C8orf34: variants seen among roughly 807,000 people sequenced by gnomAD.
C8orf34 encodes the protein uncharacterized protein C8orf34.
C8orf34 carries 65 observed loss-of-function variants against 68.3 expected under a neutral mutation model. That is an observed-to-expected ratio of 0.95 (90% CI 0.78 to 1.17). The LOEUF is 1.17. Ranked by LOEUF, C8orf34 falls within the 50% of genes most tolerant of loss-of-function variation. The pLI is 0.00. For missense variants in C8orf34, 664 were observed against 655.4 expected, an observed-to-expected ratio of 1.01 and a Z score of -0.14; for synonymous variants, 244 against 241.2, an observed-to-expected ratio of 1.01 and a Z score of -0.11.
intron 8 of C8orf34, among the ~76,000 whole-genome samples, chr8:68,643,101 A>G (rs1276894805): frequency 1.3e-5 from 2 of 152,170 alleles, no homozygotes. Context: ...CTATACAAAT[A>G]TTCTTGAACA....
At chr8:68,808,323 A>G (rs1323377015) in intron 12 of C8orf34, among the ~76,000 whole-genome samples, 5 of 152,314 alleles carry the variant, frequency 3.3e-5, no homozygotes, top group Middle Eastern at 3.4e-3. Flanking sequence ...ACCATTAAAT[A>G]TTCAGATTAT....
chr8:68,748,686 G>C (rs1257318460), intron 10 of C8orf34, among the ~76,000 whole-genome samples: 1 of 151,666 alleles, frequency 6.6e-6, no homozygotes, highest in Non-Finnish European at 1.5e-5. Flanking sequence ...ACCACAATGA[G>C]ATACCATCTC....
intron 12 of C8orf34, among the ~76,000 whole-genome samples, chr8:68,805,188 C>T (rs1383746291): frequency 1.3e-5 from 2 of 152,200 alleles, no homozygotes; most frequent in African/African-American, 2.4e-5. Context: ...AGAACAAGCT[C>T]TGTATGGATG....
At chr8:68,583,273 T>C (rs866351435) in intron 7 of C8orf34, among the ~76,000 whole-genome samples, 2 of 152,136 alleles carry the variant, frequency 1.3e-5, no homozygotes, top group Non-Finnish European at 1.5e-5. Flanking sequence ...TGCAGGAAGA[T>C]AAATAGTACA....
In C8orf34 at chr8:68,468,698, G is replaced by T; in HGVS notation, c.614G>T (p.Arg205Met). 1 of 1,611,986 alleles carries T rather than the reference G, an allele frequency of 6.2e-7. No homozygotes were observed. Among genetic ancestry groups the T allele is most frequent in the Non-Finnish European group, 8.5e-7 (1 of 1,178,932 alleles). ...CCATTTTTTTTAAACATAGTGCCAAGGTCAGTAGAGCATCCAAAGTGGAAC... is the reference window on the plus strand; with the variant it reads ...CCATTTTTTTTAAACATAGTGCCAATGTCAGTAGAGCATCCAAAGTGGAAC... ...PPSPDSKSLPRSVEHPKWNWR... is the reference protein window; with the variant it reads ...PPSPDSKSLPMSVEHPKWNWR... Residue 205 changes from arginine to methionine, a missense_variant, in exon 4 of 14, where the codon AGG becomes ATG. By Grantham distance (91) the Arg-to-Met change is moderately conservative. Transcript: ENST00000518698.
intron 2 of C8orf34, among the ~76,000 whole-genome samples, chr8:68,444,888 T>C (rs1159774207): frequency 6.6e-6 from 1 of 152,194 alleles, no homozygotes; most frequent in African/African-American, 2.4e-5. Flanking sequence ...CCAAGGTTTT[T>C]TTCTCCCATT....
At chr8:68,792,431 G>GCGTGGTGGCA (rs1824028330) in intron 12 of C8orf34, 1 of 151,468 alleles carries the variant, frequency 6.6e-6, no homozygotes, top group African/African-American at 2.4e-5. Flanking sequence ...AATTAGTCGG[G>GCGTGGTGGCA]CGTGGTGGCA....
chr8:68,459,385 AC>A (rs1442034338), intron 3 of C8orf34, among the ~76,000 whole-genome samples: 4 of 152,096 alleles, frequency 2.6e-5, no homozygotes, highest in Admixed American at 1.3e-4. Flanking sequence ...GCGTGCCACC[AC>A]GTCCAGCTAA....
chr8:68,598,993 C>T (rs1223039984), intron 7 of C8orf34, among the ~76,000 whole-genome samples: 3 of 149,870 alleles, frequency 2.0e-5, no homozygotes, highest in African/African-American at 4.9e-5. Context: ...TAGAAAATGA[C>T]AATATGGTGA....
In C8orf34 at chr8:68,445,799, C is replaced by CTGTTTTT. The variant is rs535511533; in HGVS notation, c.476-528_476-522dup. The stretch of plus-strand genomic sequence containing the variant: ...CTGAAAAACATTTCAAATTAATTTC[C>CTGTTTTT]TGTTTTTTCTTTTTGACAGAGTCTC... On this transcript the variant is annotated intron_variant, in intron 2 of 13. Coordinates refer to ENST00000518698, the MANE Select transcript of C8orf34 (RefSeq NM_052958.4). 2.1e-3 allele frequency among the ~76,000 whole-genome samples: 325 copies of CTGTTTTT among 152,064 alleles called. 1 individual carries two copies. Among genetic ancestry groups the CTGTTTTT allele is most frequent in the African/African-American group, 7.0e-3 (292 of 41,488 alleles).
intron 1 of C8orf34, among the ~76,000 whole-genome samples, chr8:68,368,956 A>G (rs1314034114): frequency 1.3e-5 from 2 of 152,182 alleles, no homozygotes; most frequent in Non-Finnish European, 2.9e-5. Context: ...TAAGATGTAT[A>G]TGTAACTTAA....
chr8:68,488,196 G>T, intron 5 of C8orf34, 145 bp downstream of exon 5: 2 of 568,884 alleles, frequency 3.5e-6, no homozygotes, highest in South Asian at 2.9e-5. Context: ...AAAGTTAAAT[G>T]CATATTGTTT....
chr8:68,445,951 G>A (rs117579716), intron 2 of C8orf34, among the ~76,000 whole-genome samples: 9,806 of 152,004 alleles, frequency 0.065, 457 homozygotes, highest in Non-Finnish European at 0.089. Context: ...CATCATGCCC[G>A]GCTAATTTTT....
chr8:68,696,935 A>G (rs1340089085), intron 8 of C8orf34, among the ~76,000 whole-genome samples: 1 of 151,978 alleles, frequency 6.6e-6, no homozygotes, highest in Non-Finnish European at 1.5e-5. Context: ...AATATTAACT[A>G]TGGCTAAACT....
At chr8:68,495,951 A>G (rs1406285028) in intron 5 of C8orf34, among the ~76,000 whole-genome samples, 1 of 152,276 alleles carries the variant, frequency 6.6e-6, no homozygotes, top group Non-Finnish European at 1.5e-5. Context: ...GCCAGAAATT[A>G]CTAAAAGTTT....
chr8:68,522,221 A>AT (rs1298124302), intron 6 of C8orf34, among the ~76,000 whole-genome samples: 9 of 152,316 alleles, frequency 5.9e-5, no homozygotes, highest in Non-Finnish European at 1.3e-4. Flanking sequence ...CTAAAACCAA[A>AT]TAGAGAATTA....
chr8:68,447,882 A>T (rs981547270), intron 3 of C8orf34: 3 of 152,234 alleles, frequency 2.0e-5, no homozygotes, highest in Non-Finnish European at 4.4e-5. Flanking sequence ...CCAACATTTT[A>T]AAAAATATAC....
intron 8 of C8orf34, among the ~76,000 whole-genome samples, chr8:68,702,333 G>A (rs1821042420): frequency 6.6e-6 from 1 of 152,008 alleles, no homozygotes; most frequent in African/African-American, 2.4e-5. Context: ...GTTTTTAGTA[G>A]TGCATTTACC....
chr8:68,818,415 C>A lies in C8orf34; in HGVS notation c.*169C>A. 1 of 696,870 alleles carries A rather than the reference C, an allele frequency of 1.4e-6. No individual in the cohort carries two copies. The highest frequency in any genetic ancestry group is 2.4e-6 in the Non-Finnish European group (1 of 413,020). 43.2% of individuals were successfully genotyped at this position (696,870 alleles called of 1,614,324 possible). A position where few individuals can be genotyped will look rare whatever the true frequency, so the allele number is the denominator to read the frequency against. On this transcript the variant is annotated 3_prime_UTR_variant, in exon 14 of 14. Transcript: ENST00000518698. ...GCCAGGGGGTGCCCAAGTATGTAAT[C>A]AGAGAACACTAATCCTGGCAAAGGA...
Sources: allele counts gnomAD v4.1 joint callset (sites outside exome capture counted in the v4.1 genomes callset), GRCh38; gene constraint gnomAD v4.1.1; transcripts MANE v1.5; gene names NCBI Gene and HGNC (gene_info 2026-07-23, HGNC 2026-07-21).